Variants in ZFP62 observed in about 807,000 individuals in gnomAD.
ZFP62 encodes the protein ZFP62 zinc finger protein.
Under a neutral mutation model 56.4 loss-of-function variants are expected in ZFP62, and 44 were observed. The observed-to-expected ratio is 0.78, with a 90% CI of 0.61 to 1.00. The LOEUF (loss-of-function observed/expected upper bound fraction) is 1.00, where lower values mean the gene tolerates loss of function less well. Among genes scored for constraint, ZFP62 ranks in the 50% least tolerant of loss-of-function variants. The probability of loss-of-function intolerance (pLI) is 0.00; values close to 1 mark genes in which losing one functional copy is unlikely to be tolerated. For missense variants in ZFP62, 1,030 were observed against 1,085.7 expected, an observed-to-expected ratio of 0.95 and a Z score of 0.72; for synonymous variants, 421 against 388.9, an observed-to-expected ratio of 1.08 and a Z score of -0.97.
chr5:180,847,229 G>A (rs1168207961), downstream of ZFP62, among the ~76,000 whole-genome samples: 1 of 152,156 alleles, frequency 6.6e-6, no homozygotes, highest in African/African-American at 2.4e-5. Flanking sequence ...TTCTCAGACA[G>A]GTTACTCAAT....
At chr5:180,831,456 G>A in the ZFP62 span, 1 of 151,456 alleles carries the variant, frequency 6.6e-6, no homozygotes, top group African/African-American at 2.4e-5. Flanking sequence ...TTTTTGCCCA[G>A]GCTGGAGGGC....
At chr5:180,854,660 T>C (rs1773879152) in intron 1 of ZFP62, among the ~76,000 whole-genome samples, 4 of 152,210 alleles carry the variant, frequency 2.6e-5, no homozygotes, top group African/African-American at 7.2e-5. Flanking sequence ...GAGGGGCAGA[T>C]AGACATAATA....
intron 1 of ZFP62, among the ~76,000 whole-genome samples, 176 bp downstream of exon 1, chr5:180,861,042 TC>T (rs996405248): frequency 6.6e-6 from 1 of 151,538 alleles, no homozygotes; most frequent in African/African-American, 2.4e-5. Context: ...CTGCCCGAGG[TC>T]TTCCCTCCCC....
chr5:180,860,820 G>C (rs569296153), intron 1 of ZFP62: 2 of 240,964 alleles, frequency 8.3e-6, no homozygotes, highest in Non-Finnish European at 1.6e-5. Flanking sequence ...ACTGCAGAGG[G>C]AGCACGAAAT....
chr5:180,837,271 T>C, the ZFP62 span, among the ~76,000 whole-genome samples: 1 of 152,270 alleles, frequency 6.6e-6, no homozygotes, highest in African/African-American at 2.4e-5. Context: ...CCCCATCTTT[T>C]CTGCTTTTTC....
In ZFP62 at chr5:180,849,468, T is replaced by C; in HGVS notation, c.2027A>G (p.Asp676Gly). Residue 676 changes from aspartate to glycine, a missense_variant, in exon 2 of 2, where the codon GAT becomes GGT. Transcript: ENST00000502412. ...IHTGERPYEC[D>G]VCGKAYISHS... ...TGAGATGTAGGCTTTTCCACACACA[T>C]CACATTCATAGGGCCTCTCCCCAGT... 12 of 1,552,150 alleles carry C rather than the reference T, an allele frequency of 7.7e-6. No homozygotes were observed. The highest frequency in any genetic ancestry group is 1.0e-5 in the Non-Finnish European group (12 of 1,147,146).
chr5:180,859,968 A>T (rs1774217266), intron 1 of ZFP62, among the ~76,000 whole-genome samples: 1 of 152,232 alleles, frequency 6.6e-6, no homozygotes, highest in South Asian at 2.1e-4. Flanking sequence ...AGACAACCCA[A>T]ATGCCCCCGA....
Position 180,850,754 on chromosome 5 carries a change from G to T in ZFP62, c.741C>A (p.His247Gln). The T allele has an allele frequency of 6.2e-7, 1 of 1,606,006 alleles. No homozygotes were observed. Among genetic ancestry groups the T allele is most frequent in the Non-Finnish European group, 8.5e-7 (1 of 1,176,024 alleles). Residue 247 changes from histidine to glutamine, a missense_variant, in exon 2 of 2, where the codon CAC (histidine) becomes CAA (glutamine). Coordinates refer to ENST00000502412, the MANE Select transcript of ZFP62 (RefSeq NM_001172638.2). ...CACATTCATAGGGCTTCTCCCCAGT[G>T]TGGATCCTTTTATGCTGGTCCAGAA... ...SSVLDQHKRIHTGEKPYECGE... is the reference protein window; with the variant it reads ...SSVLDQHKRIQTGEKPYECGE...
At chr5:180,854,312 G>A (rs1316644869) in intron 1 of ZFP62, among the ~76,000 whole-genome samples, 2 of 152,204 alleles carry the variant, frequency 1.3e-5, no homozygotes, top group African/African-American at 2.4e-5. Context: ...TAAGTATAGT[G>A]ATACATTATA....
chr5:180,844,686 G>A (rs550331990), downstream of ZFP62, among the ~76,000 whole-genome samples: 20 of 152,282 alleles, frequency 1.3e-4, no homozygotes, highest in Middle Eastern at 3.4e-3. Flanking sequence ...TTTGCAGCCC[G>A]ACAAAGACAA....
intron 1 of ZFP62, among the ~76,000 whole-genome samples, chr5:180,859,327 G>A (rs1423992143): frequency 6.6e-6 from 1 of 152,192 alleles, no homozygotes; most frequent in Non-Finnish European, 1.5e-5. Flanking sequence ...GTGACAAAAT[G>A]CTTACCAACC....
chr5:180,856,702 C>CA (rs1773995049), intron 1 of ZFP62, among the ~76,000 whole-genome samples: 1 of 151,252 alleles, frequency 6.6e-6, no homozygotes, highest in Admixed American at 6.6e-5. Flanking sequence ...CGCCTGTAAT[C>CA]CCAGCACTTT....
the ZFP62 span, among the ~76,000 whole-genome samples, chr5:180,838,669 TTTATA>T: frequency 6.6e-6 from 1 of 152,122 alleles, no homozygotes; most frequent in Non-Finnish European, 1.5e-5. Flanking sequence ...AGGAAAAAGT[TTTATA>T]CTATACTTCT....
Position 180,861,233 on chromosome 5 carries a change from C to G in ZFP62, c.-14G>C. ...GACTCACGTACTGGCTGTGGCGGCGCCGCGGGAACCCGGCCGCCAGCGGGA... is the reference window on the plus strand; with the variant it reads ...GACTCACGTACTGGCTGTGGCGGCGGCGCGGGAACCCGGCCGCCAGCGGGA... On this transcript the variant is annotated 5_prime_UTR_variant, in exon 1 of 2. Coordinates refer to ENST00000502412, the MANE Select transcript of ZFP62 (RefSeq NM_001172638.2). 2.5e-6 allele frequency: 1 copy of G among 398,040 alleles called. No individual in the cohort carries two copies. The highest frequency in any genetic ancestry group is 1.3e-4 in the South Asian group (1 of 7,860). The allele number at this position is 398,040 out of a possible 1,614,324, so 24.7% of individuals were successfully genotyped here.
In ZFP62 at chr5:180,850,099, C is replaced by G; in HGVS notation, c.1396G>C (p.Val466Leu). ...TCCCCAGTATGGAGCCTCCTGTGGA[C>G]TTTGAGGCCTGCATTGTTTCTGAAC... Reference protein sequence around the residue: ...KTFRNNAGLKVHRRLHTGEKP... With the variant: ...KTFRNNAGLKLHRRLHTGEKP... Residue 466 changes from valine (V) to leucine (L), a missense_variant, in exon 2 of 2, where the codon GTC (valine) becomes CTC (leucine). Physicochemically the swap from Val to Leu is conservative, Grantham distance 32. Coordinates refer to ENST00000502412, the MANE Select transcript of ZFP62 (RefSeq NM_001172638.2). 3 of 1,551,658 alleles carry G rather than the reference C, an allele frequency of 1.9e-6. No individual in the cohort carries two copies. The South Asian group carries it at 3.6e-5, about 18-fold the overall frequency.
chr5:180,849,471 C>A lies in ZFP62; in HGVS notation c.2024G>T (p.Cys675Phe). 6.4e-7 allele frequency: 1 copy of A among 1,552,182 alleles called. No individual in the cohort carries two copies. The highest frequency in any genetic ancestry group is 1.2e-5 in the South Asian group (1 of 84,064). The part of the protein sequence containing the change: ...RIHTGERPYE[C>F]DVCGKAYISH... ...GATGTAGGCTTTTCCACACACATCACATTCATAGGGCCTCTCCCCAGTATG... is the reference window on the plus strand; with the variant it reads ...GATGTAGGCTTTTCCACACACATCAAATTCATAGGGCCTCTCCCCAGTATG... The change falls in exon 2 of 2, where the codon TGT becomes TTT. Residue 675 changes from cysteine (C) to phenylalanine (F), a missense_variant. Cys to Phe is a radical substitution (Grantham distance 205). Transcript: ENST00000502412.
At chr5:180,846,801 A>T (rs1773422576), downstream of ZFP62, among the ~76,000 whole-genome samples, 1 of 152,044 alleles carries the variant, frequency 6.6e-6, no homozygotes, top group Non-Finnish European at 1.5e-5. Flanking sequence ...ATCCTCTCCC[A>T]CCCAGTACCT....
chr5:180,838,432 C>A, the ZFP62 span, among the ~76,000 whole-genome samples: 1 of 152,148 alleles, frequency 6.6e-6, no homozygotes, highest in Admixed American at 6.5e-5. Flanking sequence ...GCAACACTCA[C>A]AATGCACAAT....
At position 180,848,716 on chromosome 5, in the gene ZFP62, C is replaced by T; in HGVS notation, c.*76G>A. The T allele has an allele frequency of 6.9e-7, 1 of 1,448,178 alleles. No homozygotes were observed. The highest frequency in any genetic ancestry group is 9.1e-7 in the Non-Finnish European group (1 of 1,097,498). 89.7% of individuals were successfully genotyped at this position (1,448,178 alleles called of 1,614,324 possible). ...CATTTACACTGTGTAAATTACAAGCCATGACCCCCTACATTCTTACATTCA... is the reference window on the plus strand; with the variant it reads ...CATTTACACTGTGTAAATTACAAGCTATGACCCCCTACATTCTTACATTCA... On this transcript the variant is annotated 3_prime_UTR_variant, in exon 2 of 2. Coordinates refer to ENST00000502412, the MANE Select transcript of ZFP62 (RefSeq NM_001172638.2).
Sources: gnomAD v4.1 joint callset for allele counts (sites outside exome capture counted in the v4.1 genomes callset) on GRCh38, gnomAD v4.1.1 for gene constraint, MANE v1.5 for transcripts, NCBI Gene and HGNC (gene_info 2026-07-23, HGNC 2026-07-21) for gene names.